The following PCDH19 variants were observed in gnomAD, a reference collection of about 807,000 sequenced individuals.
The protein encoded by PCDH19 is protocadherin-19.
A neutral mutation model predicts 46.2 loss-of-function variants in PCDH19; 6 were observed. The ratio of observed to expected loss-of-function variants is 0.13; its 90% CI spans 0.07 to 0.26. The LOEUF is 0.26. PCDH19 is among the 10% of genes least tolerant of loss of function. PCDH19 has a pLI of 1.00. For missense variants in PCDH19, 740 were observed against 972.3 expected (o/e 0.76, Z 3.18); for synonymous variants, 481 against 415.7 (o/e 1.16, Z -1.91).
At position 100,407,324 on chromosome X, in the gene PCDH19, G is replaced by A. The variant is rs1485553761; in HGVS notation, c.1274C>T (p.Ala425Val). The change falls in exon 1 of 6, where the codon GCA becomes GTA. Residue 425 changes from alanine (A) to valine (V), a missense_variant. Coordinates refer to ENST00000373034, the MANE Select transcript of PCDH19 (RefSeq NM_001184880.2). ...CAGCATGGGCACGCCGCCGTCGCGT[G>A]CCTGAATTGTGAGGTTGTATTGGTC... ...QHDQYNLTIQ[A>V]RDGGVPMLQS... is the part of the protein sequence containing the mutation. 1 of 1,211,095 alleles carries A rather than the reference G, an allele frequency of 8.3e-7. No individual in the cohort carries two copies. Among genetic ancestry groups the A allele is most frequent in the African/African-American group, 1.7e-5 (1 of 57,488 alleles).
At chrX:100,304,629 G>A (rs748997018) in intron 5 of PCDH19, among the ~76,000 whole-genome samples, 7 of 111,658 alleles carry the variant, frequency 6.3e-5, no homozygotes, top group South Asian at 3.8e-4. Flanking sequence ...TAATCAAAGC[G>A]GCTCCAGAAA....
chrX:100,401,029 C>T (rs751400911), intron 3 of PCDH19, among the ~76,000 whole-genome samples: 19 of 111,527 alleles, frequency 1.7e-4, no homozygotes, highest in Non-Finnish European at 2.6e-4. Flanking sequence ...TCTGTTTCAT[C>T]ATCTACTGAA....
intron 5 of PCDH19, among the ~76,000 whole-genome samples, chrX:100,333,612 T>C (rs17328966): frequency 0.043 from 4,826 of 111,746 alleles, 254 homozygotes; most frequent in East Asian, 0.25. Context: ...TGTGCTCCTT[T>C]TACATATCCT....
intron 3 of PCDH19, among the ~76,000 whole-genome samples, chrX:100,402,074 G>A (rs981494046): frequency 1.9e-4 from 21 of 112,073 alleles, no homozygotes; most frequent in African/African-American, 5.2e-4. Context: ...TGTGACGAAA[G>A]AAAAAGCAAA....
chrX:100,402,641 C>T lies in PCDH19; in HGVS notation c.2499G>A (p.Leu833=), dbSNP rs2147533161. 1.7e-6 allele frequency: 2 copies of T among 1,211,424 alleles called. No individual in the cohort carries two copies. Reference sequence around the variant, plus strand: ...TGCGGGTATTCTGGTTCTCCACATTCAGGAAAGTGCTCTCAGAGCGGCGGC... The same window carrying T: ...TGCGGGTATTCTGGTTCTCCACATTTAGGAAAGTGCTCTCAGAGCGGCGGC... ...LGCRRSESTF[L]NVENQNTRNT... The change falls in exon 3 of 6, where the codon CTG becomes CTA. Residue 833 remains leucine (L), a synonymous_variant. Coordinates refer to ENST00000373034, the MANE Select transcript of PCDH19 (RefSeq NM_001184880.2).
intron 5 of PCDH19, among the ~76,000 whole-genome samples, chrX:100,303,195 C>T (rs1165406821): frequency 9.1e-6 from 1 of 110,175 alleles, no homozygotes; most frequent in Non-Finnish European, 1.9e-5. Flanking sequence ...GTTAATAGTG[C>T]TCTCTCCTGC....
intron 3 of PCDH19, among the ~76,000 whole-genome samples, chrX:100,356,576 C>CTCA (rs1790902648): frequency 9.0e-6 from 1 of 111,605 alleles, no homozygotes; most frequent in Admixed American, 9.6e-5. Flanking sequence ...TATTCAAAGA[C>CTCA]TCATCCATCC....
At chrX:100,379,074 T>C (rs1927466049) in intron 3 of PCDH19, among the ~76,000 whole-genome samples, 1 of 110,586 alleles carries the variant, frequency 9.0e-6, no homozygotes, top group Admixed American at 9.7e-5. Context: ...TGGACTTCAG[T>C]AAGGGGAAAA....
intron 3 of PCDH19, among the ~76,000 whole-genome samples, chrX:100,370,782 A>AT (rs1261801700): frequency 1.8e-5 from 2 of 111,302 alleles, no homozygotes; most frequent in South Asian, 3.7e-4. Flanking sequence ...TAAAAGATGC[A>AT]TTTTTTCCTA....
At chrX:100,335,790 G>C (rs1477801090) in intron 5 of PCDH19, among the ~76,000 whole-genome samples, 1 of 111,639 alleles carries the variant, frequency 9.0e-6, no homozygotes, top group Non-Finnish European at 1.9e-5. Context: ...ACTGAGTAAT[G>C]AGTGATATAT....
rs1928415378 is a variant in PCDH19, at chrX:100,407,599, G to T, written c.999C>A (p.Thr333=). ...PNSIPAHCKV[T]VSVLDTNDNP... ...TGTCATTGGTGTCCAGCACGCTGAC[G>T]GTGACCTTGCAGTGTGCCGGGATGG... The change falls in exon 1 of 6, where the codon ACC becomes ACA. Residue 333 remains threonine, a synonymous_variant. Transcript: ENST00000373034. The T allele has an allele frequency of 8.3e-7, 1 of 1,211,738 alleles. No individual in the cohort carries two copies. Among genetic ancestry groups the T allele is most frequent in the Non-Finnish European group, 1.1e-6 (1 of 895,442 alleles).
At position 100,407,050 on chromosome X, in the gene PCDH19, G is replaced by A. The variant is rs587784295; in HGVS notation, c.1548C>T (p.Tyr516=). 1.1e-5 allele frequency: 13 copies of A among 1,209,922 alleles called. No homozygotes were observed. The Admixed American group carries it at 1.1e-4, about 10-fold the overall frequency. Residue 516 remains tyrosine (Y), a synonymous_variant, in exon 1 of 6, where the codon TAC becomes TAT. Coordinates refer to ENST00000373034, the MANE Select transcript of PCDH19 (RefSeq NM_001184880.2). ...GCTCGTGGTTAAAGGATCGCAGCGC[G>A]TAGATGTCGCCTGAGTTGGGATTGA... ...VSINPNSGDI[Y]ALRSFNHEQT...
At chrX:100,360,602 G>T (rs1464781356) in intron 3 of PCDH19, among the ~76,000 whole-genome samples, 1 of 112,085 alleles carries the variant, frequency 8.9e-6, no homozygotes, top group Non-Finnish European at 1.9e-5. Flanking sequence ...TGACCTTTAA[G>T]TACTCATTTC....
chrX:100,393,736 G>A (rs1927937172), intron 3 of PCDH19, among the ~76,000 whole-genome samples: 1 of 112,050 alleles, frequency 8.9e-6, no homozygotes, highest in Non-Finnish European at 1.9e-5. Context: ...GTGAGGGAGA[G>A]CAGCTTGCCA....
chrX:100,393,983 C>T (rs1011766379), intron 3 of PCDH19, among the ~76,000 whole-genome samples: 3 of 111,776 alleles, frequency 2.7e-5, no homozygotes, highest in Non-Finnish European at 5.6e-5. Context: ...CTGGCCAACA[C>T]GGTGAAACCC....
chrX:100,405,331 AAAC>A (rs1468562266), intron 1 of PCDH19, among the ~76,000 whole-genome samples: 3 of 111,993 alleles, frequency 2.7e-5, no homozygotes, highest in Non-Finnish European at 5.6e-5. Flanking sequence ...CAAACTAAAG[AAAC>A]AACTTTTTTC....
At chrX:100,397,993 CAT>C (rs985777417) in intron 3 of PCDH19, among the ~76,000 whole-genome samples, 1 of 85,411 alleles carries the variant, frequency 1.2e-5, no homozygotes, top group African/African-American at 3.5e-5. Context: ...TCTACGCCCT[CAT>C]ACACACACAC....
At position 100,292,933 on chromosome X, in the gene PCDH19, AT is replaced by A. The variant is rs1220017632; in HGVS notation, c.*3343del. The A allele has an allele frequency of 1.3e-4, 14 of 111,715 alleles. No individual in the cohort carries two copies. Among genetic ancestry groups the A allele is most frequent in the South Asian group, 3.8e-4 (1 of 2,643 alleles). 9.2% of individuals were successfully genotyped at this position (111,715 alleles called of 1,213,427 possible). On this transcript the variant is annotated 3_prime_UTR_variant, in exon 6 of 6. Transcript: ENST00000373034. Reference sequence around the variant, plus strand: ...GATTGGAATTCCAGCCAGAACTGCTATTATGTACAATAATAATCCTTTTCCA... The same window carrying A: ...GATTGGAATTCCAGCCAGAACTGCTATATGTACAATAATAATCCTTTTCCA...
intron 3 of PCDH19, among the ~76,000 whole-genome samples, chrX:100,386,749 CAATTT>C (rs1183298858): frequency 9.0e-6 from 1 of 111,724 alleles, no homozygotes; most frequent in African/African-American, 3.3e-5. Context: ...GGAGGTCCCT[CAATTT>C]TTAGACCCTT....
Sources: allele counts gnomAD v4.1 joint callset (sites outside exome capture counted in the v4.1 genomes callset), GRCh38; gene constraint gnomAD v4.1.1; transcripts MANE v1.5; gene names NCBI Gene and HGNC (gene_info 2026-07-23, HGNC 2026-07-21).